The following NRG3 variants were observed in gnomAD, a reference collection of about 807,000 sequenced individuals.
The protein encoded by NRG3 is neuregulin 3, also known as pro-neuregulin-3, membrane-bound isoform.
A neutral mutation model predicts 66.9 loss-of-function variants in NRG3; 31 were observed. That is an observed-to-expected ratio of 0.46 (90% CI 0.35 to 0.63). The LOEUF is 0.63. NRG3 is among the 20% of genes least tolerant of loss of function. The pLI, the probability that NRG3 is intolerant of heterozygous loss-of-function variation, is 0.00. For missense variants in NRG3, 910 were observed against 878.9 expected, an observed-to-expected ratio of 1.04 and a Z score of -0.45; for synonymous variants, 393 against 359.4, an observed-to-expected ratio of 1.09 and a Z score of -1.06.
chr10:82,932,192 G>A (rs1847642620), intron 4 of NRG3, among the ~76,000 whole-genome samples: 1 of 152,104 alleles, frequency 6.6e-6, no homozygotes, highest in African/African-American at 2.4e-5. Flanking sequence ...CTCTATGGCG[G>A]CTGTTTGAAA....
intron 1 of NRG3, among the ~76,000 whole-genome samples, chr10:81,898,660 G>A (rs1163299332): frequency 1.3e-5 from 2 of 151,492 alleles, no homozygotes; most frequent in African/African-American, 2.4e-5. Context: ...CCACTTTTAG[G>A]CCTTTGTCCA....
intron 1 of NRG3, among the ~76,000 whole-genome samples, chr10:81,965,040 A>G (rs1413944536): frequency 2.0e-5 from 3 of 152,230 alleles, no homozygotes; most frequent in Non-Finnish European, 2.9e-5. Flanking sequence ...CAAAATATAT[A>G]CCAAGCATCA....
At chr10:81,881,011 C>T (rs1842130729) in intron 1 of NRG3, among the ~76,000 whole-genome samples, 1 of 152,080 alleles carries the variant, frequency 6.6e-6, no homozygotes, top group South Asian at 2.1e-4. Context: ...CAAAACTTAC[C>T]TACATAAATG....
chr10:82,170,015 C>T (rs2072443308), intron 1 of NRG3, among the ~76,000 whole-genome samples: 1 of 150,214 alleles, frequency 6.7e-6, no homozygotes. Context: ...TTTTGATAGA[C>T]CACTGATCTA....
intron 3 of NRG3, among the ~76,000 whole-genome samples, chr10:82,817,273 A>G (rs1248788176): frequency 2.0e-5 from 3 of 152,198 alleles, no homozygotes; most frequent in Non-Finnish European, 4.4e-5. Flanking sequence ...ACAGATTTCA[A>G]TAGCAAAATT....
At chr10:81,934,474 T>C (rs1004145208) in intron 1 of NRG3, among the ~76,000 whole-genome samples, 2 of 152,166 alleles carry the variant, frequency 1.3e-5, no homozygotes, top group Non-Finnish European at 2.9e-5. Context: ...AAAGCTTCTA[T>C]CATACAACAA....
intron 2 of NRG3, among the ~76,000 whole-genome samples, chr10:82,532,872 C>T (rs562449103): frequency 1.3e-5 from 2 of 151,520 alleles, no homozygotes; most frequent in African/African-American, 2.4e-5. Context: ...TGCCGCACCA[C>T]TTTGCATTTC....
At chr10:82,534,014 A>G (rs1221216253) in intron 2 of NRG3, among the ~76,000 whole-genome samples, 1 of 152,230 alleles carries the variant, frequency 6.6e-6, no homozygotes, top group East Asian at 1.9e-4. Context: ...AATATTGTAA[A>G]ACCATTTACA....
Position 81,875,515 on chromosome 10 carries a change from G to T in NRG3, c.175G>T (p.Val59Leu). The T allele has an allele frequency of 6.2e-7, 1 of 1,610,256 alleles. No individual in the cohort carries two copies. The highest frequency in any genetic ancestry group is 1.1e-5 in the South Asian group (1 of 90,942). The stretch of plus-strand genomic sequence containing the variant: ...GGAGTTACGCTGTAGCGACTGCATC[G>T]TGTGGAACCGGCAGCAGACGTGGCT... ...PRELRCSDCI[V>L]WNRQQTWLCV... The change falls in exon 1 of 9, where the codon GTG becomes TTG. Residue 59 changes from valine (V) to leucine (L), a missense_variant. By Grantham distance (32) the Val-to-Leu change is conservative. Coordinates refer to ENST00000372141, the MANE Select transcript of NRG3 (RefSeq NM_001010848.4). The surrounding 1 kb of genome is among the most constrained non-coding windows in gnomAD (Gnocchi z 5.3).
intron 1 of NRG3, among the ~76,000 whole-genome samples, chr10:82,145,774 A>G (rs1050121214): frequency 6.6e-5 from 10 of 152,186 alleles, no homozygotes; most frequent in Non-Finnish European, 1.2e-4. Context: ...GAAGATATCT[A>G]TGGCAAACTT....
intron 1 of NRG3, among the ~76,000 whole-genome samples, chr10:82,050,750 T>C (rs1589918449): frequency 6.6e-6 from 1 of 151,968 alleles, no homozygotes; most frequent in Non-Finnish European, 1.5e-5. Context: ...TGATAATGTC[T>C]CGTTTCCTCC....
At chr10:81,961,949 C>T (rs1227437852) in intron 1 of NRG3, among the ~76,000 whole-genome samples, 1 of 152,186 alleles carries the variant, frequency 6.6e-6, no homozygotes, top group African/African-American at 2.4e-5. Context: ...GTGGCTCTAC[C>T]AAGTGGAGTC....
At chr10:82,929,626 G>A (rs756976395) in intron 4 of NRG3, among the ~76,000 whole-genome samples, 25 of 152,124 alleles carry the variant, frequency 1.6e-4, no homozygotes, top group Non-Finnish European at 3.5e-4. Flanking sequence ...GCTCACCCCT[G>A]TAATCCCAGC....
chr10:82,633,882 T>C (rs969678498), intron 2 of NRG3, among the ~76,000 whole-genome samples: 1 of 152,128 alleles, frequency 6.6e-6, no homozygotes, highest in African/African-American at 2.4e-5. Context: ...ATACATTTGG[T>C]AAGTGTTGTG....
chr10:82,297,467 G>A (rs1282217832), intron 1 of NRG3, among the ~76,000 whole-genome samples: 1 of 152,102 alleles, frequency 6.6e-6, no homozygotes, highest in Non-Finnish European at 1.5e-5. Flanking sequence ...TCAACCATTG[G>A]AGAGGAGGGC....
intron 2 of NRG3, among the ~76,000 whole-genome samples, chr10:82,424,085 A>G (rs1230833147): frequency 1.3e-5 from 2 of 152,004 alleles, no homozygotes; most frequent in Non-Finnish European, 2.9e-5. Context: ...TATGGTGACT[A>G]ATGCTTCTAT....
At chr10:82,520,695 C>G (rs374649283) in intron 2 of NRG3, among the ~76,000 whole-genome samples, 1 of 152,120 alleles carries the variant, frequency 6.6e-6, no homozygotes, top group African/African-American at 2.4e-5. Context: ...AACTGACTGT[C>G]GAACATTATT....
intron 8 of NRG3, among the ~76,000 whole-genome samples, chr10:82,982,545 C>T (rs1328556212): frequency 6.6e-6 from 1 of 152,124 alleles, no homozygotes; most frequent in African/African-American, 2.4e-5. Context: ...AGTGGTGAGA[C>T]ACTCACATCA....
chr10:82,273,944 T>G (rs567998733), intron 1 of NRG3, among the ~76,000 whole-genome samples: 1 of 151,920 alleles, frequency 6.6e-6, no homozygotes, highest in African/African-American at 2.4e-5. Context: ...CTCCCAAGTA[T>G]CATTCACCTA....
Sources: gnomAD v4.1 joint callset for allele counts (sites outside exome capture counted in the v4.1 genomes callset) on GRCh38, gnomAD v4.1.1 for gene constraint, Gnocchi (gnomAD v3.1) non-coding constraint, MANE v1.5 for transcripts, NCBI Gene and HGNC (gene_info 2026-07-23, HGNC 2026-07-21) for gene names.